Variants in ROBO1 observed in about 807,000 individuals in gnomAD.
ROBO1 encodes the protein roundabout guidance receptor 1, also known as roundabout homolog 1.
Under a neutral mutation model 195.9 loss-of-function variants are expected in ROBO1, and 149 were observed. The ratio of observed to expected loss-of-function variants is 0.76; its 90% CI spans 0.67 to 0.87. The LOEUF is 0.87. ROBO1 is among the 40% of genes least tolerant of loss of function. The pLI, the probability that ROBO1 is intolerant of heterozygous loss-of-function variation, is 0.00. For missense variants in ROBO1, 1,933 were observed against 2,068.3 expected, an observed-to-expected ratio of 0.93 and a Z score of 1.27; for synonymous variants, 816 against 733.2, an observed-to-expected ratio of 1.11 and a Z score of -1.82.
At chr3:78,997,237 G>T (rs1412377088) in intron 3 of ROBO1, among the ~76,000 whole-genome samples, 2 of 152,058 alleles carry the variant, frequency 1.3e-5, no homozygotes, top group East Asian at 3.8e-4. Flanking sequence ...TTTGGTTTTT[G>T]GGGGGTGTGG....
intron 2 of ROBO1, among the ~76,000 whole-genome samples, chr3:79,377,331 C>T (rs1307774018): frequency 3.5e-4 from 53 of 152,270 alleles, no homozygotes. Context: ...CAGCTTTTCT[C>T]CAATAATTTC....
At chr3:78,908,254 T>C (rs1404145859) in intron 4 of ROBO1, among the ~76,000 whole-genome samples, 1 of 151,960 alleles carries the variant, frequency 6.6e-6, no homozygotes, top group Non-Finnish European at 1.5e-5. Flanking sequence ...ATTCAATTTA[T>C]TTGTACTTAG....
intron 4 of ROBO1, among the ~76,000 whole-genome samples, chr3:78,810,333 G>C (rs1248680644): frequency 6.6e-6 from 1 of 152,114 alleles, no homozygotes; most frequent in African/African-American, 2.4e-5. Flanking sequence ...TACACAGGGA[G>C]AAAGAGAAAG....
chr3:78,862,095 T>G (rs1191624784), intron 4 of ROBO1, among the ~76,000 whole-genome samples: 1 of 152,142 alleles, frequency 6.6e-6, no homozygotes, highest in African/African-American at 2.4e-5. Flanking sequence ...CTAGATTATC[T>G]AGATGGGCCC....
At chr3:79,754,398 G>A (rs182707581) in intron 1 of ROBO1, among the ~76,000 whole-genome samples, 1 of 152,294 alleles carries the variant, frequency 6.6e-6, no homozygotes, top group African/African-American at 2.4e-5. Context: ...GCCTTATACA[G>A]ATTGGTATTT....
chr3:79,212,250 T>C (rs1477740021), intron 2 of ROBO1, among the ~76,000 whole-genome samples: 1 of 152,178 alleles, frequency 6.6e-6, no homozygotes, highest in African/African-American at 2.4e-5. Flanking sequence ...TGGCCAGTCT[T>C]GGGGCCAGTT....
At chr3:79,457,396 C>CGTGT (rs139242982) in intron 2 of ROBO1, among the ~76,000 whole-genome samples, 32 of 148,904 alleles carry the variant, frequency 2.1e-4, no homozygotes, top group African/African-American at 3.4e-4. Context: ...TGTGTGTGTG[C>CGTGT]GTGTGTGTGT....
At chr3:79,488,978 C>A (rs1016028637) in intron 2 of ROBO1, among the ~76,000 whole-genome samples, 2 of 152,050 alleles carry the variant, frequency 1.3e-5, no homozygotes, top group African/African-American at 4.8e-5. Flanking sequence ...CTCTCCTCCA[C>A]AGTAGACAAT....
chr3:79,712,273 CAG>C (rs904646782), intron 1 of ROBO1, among the ~76,000 whole-genome samples: 13 of 152,044 alleles, frequency 8.6e-5, no homozygotes, highest in African/African-American at 2.7e-4. Context: ...TGAATACAAA[CAG>C]AAATTCTTAA....
chr3:79,619,604 C>T (rs377546793), intron 1 of ROBO1, among the ~76,000 whole-genome samples: 1 of 152,146 alleles, frequency 6.6e-6, no homozygotes, highest in African/African-American at 2.4e-5. Context: ...TGCCCAACAA[C>T]TTCCTCTTAG....
In ROBO1 at chr3:78,969,865, A is replaced by T. The variant is rs558653328; in HGVS notation, c.173-30938T>A. 9.8e-5 allele frequency among the ~76,000 whole-genome samples: 15 copies of T among 152,352 alleles called. No individual in the cohort carries two copies. In the South Asian group the frequency reaches 2.9e-3, roughly 29 times the overall value. ...AAGAACCTGGTTTTTGCAGACAGTT[A>T]AATTACTTTATTATTAAATGTTGCT... On this transcript the variant is annotated intron_variant, in intron 3 of 30. Transcript: ENST00000464233.
At chr3:79,506,993 A>G (rs1483564246) in intron 2 of ROBO1, among the ~76,000 whole-genome samples, 1 of 152,214 alleles carries the variant, frequency 6.6e-6, no homozygotes, top group Non-Finnish European at 1.5e-5. Context: ...TGCTTTATGC[A>G]GCCACATCAC....
chr3:79,128,207 T>TCCAGCTCTGAATTTAGGGCTAC (rs1350742374), intron 2 of ROBO1, among the ~76,000 whole-genome samples: 1 of 152,124 alleles, frequency 6.6e-6, no homozygotes, highest in East Asian at 1.9e-4. Flanking sequence ...GGTCCTATAT[T>TCCAGCTCTGAATTTAGGGCTAC]CCAGCTCTGA....
At chr3:79,267,498 T>C (rs1293466402) in intron 2 of ROBO1, among the ~76,000 whole-genome samples, 1 of 151,472 alleles carries the variant, frequency 6.6e-6, no homozygotes, top group Non-Finnish European at 1.5e-5. Flanking sequence ...TCTAGACTGA[T>C]GGAAGAGTGA....
At chr3:79,700,942 G>A (rs968401315) in intron 1 of ROBO1, among the ~76,000 whole-genome samples, 1 of 151,692 alleles carries the variant, frequency 6.6e-6, no homozygotes, top group Non-Finnish European at 1.5e-5. Flanking sequence ...TTTCTGCTAG[G>A]ATTCTTATAG....
At chr3:78,764,792 A>G (rs1272977599) in intron 4 of ROBO1, among the ~76,000 whole-genome samples, 1 of 152,142 alleles carries the variant, frequency 6.6e-6, no homozygotes, top group Non-Finnish European at 1.5e-5. Flanking sequence ...GTTGAAGACA[A>G]TGTCATCATA....
chr3:79,332,912 T>A (rs1046314375), intron 2 of ROBO1, among the ~76,000 whole-genome samples: 21 of 152,134 alleles, frequency 1.4e-4, no homozygotes, highest in African/African-American at 5.1e-4. Context: ...AAAATATCAC[T>A]TTAATATGGC....
chr3:78,625,058 T>C (rs1180177210), intron 26 of ROBO1, among the ~76,000 whole-genome samples: 1 of 152,138 alleles, frequency 6.6e-6, no homozygotes, highest in Non-Finnish European at 1.5e-5. Context: ...TGACTCTGAA[T>C]GGGGGAACAT....
chr3:79,714,212 G>T (rs1390729981), intron 1 of ROBO1, among the ~76,000 whole-genome samples: 1 of 152,060 alleles, frequency 6.6e-6, no homozygotes, highest in African/African-American at 2.4e-5. Flanking sequence ...CTTCTCAAAA[G>T]AAGACATTTA....
Sources: allele counts gnomAD v4.1 joint callset (sites outside exome capture counted in the v4.1 genomes callset), GRCh38; gene constraint gnomAD v4.1.1; transcripts MANE v1.5; gene names NCBI Gene and HGNC (gene_info 2026-07-23, HGNC 2026-07-21).